The following ADGRA2 variants were observed in gnomAD, a reference collection of about 807,000 sequenced individuals.
ADGRA2 encodes the protein G-protein coupled receptor 124.
A neutral mutation model predicts 98.7 loss-of-function variants in ADGRA2; 61 were observed. The ratio of observed to expected loss-of-function variants is 0.62; its 90% CI spans 0.50 to 0.76. The LOEUF (loss-of-function observed/expected upper bound fraction) is 0.76. ADGRA2 is among the 30% of genes least tolerant of loss of function. The pLI is 0.00. For missense variants in ADGRA2, 1,712 were observed against 1,860.0 expected, an observed-to-expected ratio of 0.92 and a Z score of 1.46; for synonymous variants, 858 against 831.5, an observed-to-expected ratio of 1.03 and a Z score of -0.55.
chr8:37,833,786 T>C lies in ADGRA2; in HGVS notation c.1395T>C (p.Tyr465=), dbSNP rs1805527841. The change falls in exon 10 of 19, where the codon TAT becomes TAC. Residue 465 remains tyrosine (Y), a synonymous_variant. Transcript: ENST00000412232. ...TTTCAGACATGATGGATGTAGTCTATGTGGCTCAGATGATCCAGAAATTTT... is the reference window on the plus strand; with the variant it reads ...TTTCAGACATGATGGATGTAGTCTACGTGGCTCAGATGATCCAGAAATTTT... ...ASFSDMMDVV[Y]VAQMIQKFLG... 6.2e-7 allele frequency: 1 copy of C among 1,614,226 alleles called. No homozygotes were observed. Among genetic ancestry groups the C allele is most frequent in the Non-Finnish European group, 8.5e-7 (1 of 1,180,026 alleles).
chr8:37,824,543 G>T (rs1316358747), intron 2 of ADGRA2, among the ~76,000 whole-genome samples: 3 of 145,778 alleles, frequency 2.1e-5, no homozygotes, highest in Non-Finnish European at 4.5e-5. Context: ...GCCCAGGCTG[G>T]AGTGCAATGG....
In ADGRA2 at chr8:37,834,230, C is replaced by G; in HGVS notation, c.1608+102C>G. 1.8e-6 allele frequency: 2 copies of G among 1,120,970 alleles called. No individual in the cohort carries two copies. The highest frequency in any genetic ancestry group is 2.5e-6 in the Non-Finnish European group (2 of 795,904). The allele number at this position is 1,120,970 out of a possible 1,614,324, so 69.4% of individuals were successfully genotyped here. ...TGCCCCAGCTAGCAAGAGCAGCAGA[C>G]GTGACAAAGTTCTGAGCCATGGGGT... On this transcript the variant is annotated intron_variant, in intron 11 of 18. Coordinates refer to ENST00000412232, the MANE Select transcript of ADGRA2 (RefSeq NM_032777.10). The surrounding 1 kb of genome is among the most constrained non-coding windows in gnomAD (Gnocchi z 4.2).
chr8:37,800,917 C>G (rs1804482812), intron 1 of ADGRA2, among the ~76,000 whole-genome samples: 1 of 152,180 alleles, frequency 6.6e-6, no homozygotes, highest in Admixed American at 6.5e-5. Flanking sequence ...GCTTTATCCT[C>G]CCTCCCCATC....
chr8:37,818,355 C>G (rs762211934), intron 2 of ADGRA2, among the ~76,000 whole-genome samples: 4 of 152,228 alleles, frequency 2.6e-5, no homozygotes, highest in Non-Finnish European at 4.4e-5. Flanking sequence ...CCCCTGTCTC[C>G]TCATCCTTCA....
At chr8:37,835,143 A>C (rs1277255471) in intron 11 of ADGRA2, 31 bp from the exon 12 acceptor site, 2 of 1,530,794 alleles carry the variant, frequency 1.3e-6, no homozygotes, top group Non-Finnish European at 1.8e-6. Context: ...CACCATCTCA[A>C]ATGGTGGGAT....
rs1439918805 is a variant in ADGRA2 at position 37,843,748 on chromosome 8, A to C, written c.*1393A>C. 1 of 152,604 alleles carries C rather than the reference A, an allele frequency of 6.6e-6. No homozygotes were observed. The highest frequency in any genetic ancestry group is 1.5e-5 in the Non-Finnish European group (1 of 68,034). 9.5% of individuals were successfully genotyped at this position (152,604 alleles called of 1,614,324 possible). A position where few individuals can be genotyped will look rare whatever the true frequency, so the allele number is the denominator to read the frequency against. On this transcript the variant is annotated 3_prime_UTR_variant, in exon 19 of 19. Transcript: ENST00000412232. Reference sequence around the variant, plus strand: ...CTGCACAGACATATTAGAAGAAAAAAAAAAGCTTTGTATTATTCTTCCACA... The same window carrying C: ...CTGCACAGACATATTAGAAGAAAAACAAAAGCTTTGTATTATTCTTCCACA...
Position 37,838,994 on chromosome 8 carries a change from G to C in ADGRA2, c.2298G>C (p.Gly766=). Residue 766 remains glycine (G), a synonymous_variant, in exon 15 of 19, where the codon GGG becomes GGC. Coordinates refer to ENST00000412232, the MANE Select transcript of ADGRA2 (RefSeq NM_032777.10). ...TTCCCAGGGAGGTGGGGGGCGCCGG[G>C]GCAGGGCTGCACCCCGTGGTATACC... ...SAFPREVGGA[G]AGLHPVVYPC... is the part of the protein sequence containing the mutation. The C allele has an allele frequency of 2.5e-6, 4 of 1,584,748 alleles. No homozygotes were observed. Among genetic ancestry groups the C allele is most frequent in the Non-Finnish European group, 3.4e-6 (4 of 1,165,682 alleles).
Position 37,820,520 on chromosome 8 carries a change from C to G in ADGRA2, c.338+5553C>G, listed in dbSNP as rs557586151. 3.3e-5 allele frequency among the ~76,000 whole-genome samples: 5 copies of G among 152,364 alleles called. No individual in the cohort carries two copies. The South Asian group carries it at 8.3e-4, about 25-fold the overall frequency. On this transcript the variant is annotated intron_variant, in intron 2 of 18. Transcript: ENST00000412232. ...TTCATCAGGAATAAGACTCCATGGGCTGGCATGTAGTTGGTGCTCAGGAAA... is the reference window on the plus strand; with the variant it reads ...TTCATCAGGAATAAGACTCCATGGGGTGGCATGTAGTTGGTGCTCAGGAAA...
At chr8:37,837,672 T>G in intron 13 of ADGRA2, 59 bp from the exon 14 acceptor site, 2 of 1,418,420 alleles carry the variant, frequency 1.4e-6, no homozygotes, top group Non-Finnish European at 1.9e-6. Flanking sequence ...GAGTCCCGGC[T>G]GAGCCCACCT....
intron 1 of ADGRA2, among the ~76,000 whole-genome samples, chr8:37,812,507 G>C (rs2129938901): frequency 6.6e-6 from 1 of 151,578 alleles, no homozygotes; most frequent in Admixed American, 6.6e-5. Context: ...GGCACCTGTA[G>C]TCCCAGCTAC....
intron 8 of ADGRA2, 23 bp downstream of exon 8, chr8:37,831,610 G>A (rs1805457581): frequency 1.9e-6 from 3 of 1,610,562 alleles, no homozygotes; most frequent in Non-Finnish European, 2.5e-6. Context: ...CCACCCTGTA[G>A]AGGGCTGCCC....
intron 2 of ADGRA2, among the ~76,000 whole-genome samples, chr8:37,826,805 G>A (rs976083948): frequency 3.3e-5 from 5 of 152,126 alleles, no homozygotes; most frequent in African/African-American, 1.2e-4. Context: ...GGTGGGCAGG[G>A]CCAAGAGCCT....
In ADGRA2 at chr8:37,831,421, A is replaced by T. The variant is rs1805449728; in HGVS notation, c.933-2A>T. On this transcript the variant is annotated splice_acceptor_variant, in intron 7 of 18. Coordinates refer to ENST00000412232, the MANE Select transcript of ADGRA2 (RefSeq NM_032777.10). LOFTEE classifies it high-confidence loss of function. Reference sequence around the variant, plus strand: ...CGAGCCAGCTCCACCTGCCACCCGCAGTGAGCTGACGCTGTCTCACATCGG... The same window carrying T: ...CGAGCCAGCTCCACCTGCCACCCGCTGTGAGCTGACGCTGTCTCACATCGG... 3 of 1,609,924 alleles carry T rather than the reference A, an allele frequency of 1.9e-6. No individual in the cohort carries two copies. Among genetic ancestry groups the T allele is most frequent in the Non-Finnish European group, 2.5e-6 (3 of 1,179,852 alleles).
At position 37,831,662 on chromosome 8, in the gene ADGRA2, A is replaced by G. The variant is rs1451260584; in HGVS notation, c.1097+75A>G. ...CTTGCACCTGACATCACAGGTGGCC[A>G]GAGTTTCCCCATCCGCTGTCTCTGT... is the stretch of plus-strand genomic sequence containing the variant. On this transcript the variant is annotated intron_variant, in intron 8 of 18. Transcript: ENST00000412232. The G allele has an allele frequency of 4.4e-6, 6 of 1,349,530 alleles. No homozygotes were observed. In the Admixed American group the frequency reaches 1.1e-4, roughly 24 times the overall value. 83.6% of individuals were successfully genotyped at this position (1,349,530 alleles called of 1,614,324 possible).
At position 37,830,980 on chromosome 8, in the gene ADGRA2, A is replaced by T. The variant is rs1805437499; in HGVS notation, c.932+57A>T. 8.8e-6 allele frequency: 11 copies of T among 1,253,884 alleles called. No homozygotes were observed. Among genetic ancestry groups the T allele is most frequent in the Non-Finnish European group, 1.0e-5 (9 of 888,506 alleles). 77.7% of individuals were successfully genotyped at this position (1,253,884 alleles called of 1,614,324 possible). A position where few individuals can be genotyped will look rare whatever the true frequency, so the allele number is the denominator to read the frequency against. ...AGCATGGGGTTAGGGGACCTACCCT[A>T]CCCGTCACCACCCCGCAAAAGAGCT... On this transcript the variant is annotated intron_variant, in intron 7 of 18. Transcript: ENST00000412232. The surrounding 1 kb of genome is among the most constrained non-coding windows in gnomAD (Gnocchi z 4.8).
intron 2 of ADGRA2, among the ~76,000 whole-genome samples, chr8:37,815,988 GC>G (rs1246199697): frequency 6.6e-6 from 1 of 152,154 alleles, no homozygotes; most frequent in African/African-American, 2.4e-5. Context: ...GACAGGGAGG[GC>G]CCTTGGCCCC....
At chr8:37,836,476 G>A (rs1203540823) in intron 13 of ADGRA2, among the ~76,000 whole-genome samples, 1 of 152,078 alleles carries the variant, frequency 6.6e-6, no homozygotes, top group African/African-American at 2.4e-5. Context: ...TGTCTGACTC[G>A]CCACCCACCT....
At position 37,844,478 on chromosome 8, in the gene ADGRA2, AG is replaced by A. The variant is rs1395712450; in HGVS notation, c.*2124del. On this transcript the variant is annotated 3_prime_UTR_variant, in exon 19 of 19. Transcript: ENST00000412232. ...TGTCAGAACAGGATGAAGTGCTCCCAGTGGATATCCATCAGGGAGGGTTAGG... is the reference window on the plus strand; with the variant it reads ...TGTCAGAACAGGATGAAGTGCTCCCATGGATATCCATCAGGGAGGGTTAGG... 4 of 1,610,398 alleles carry A rather than the reference AG, an allele frequency of 2.5e-6. No homozygotes were observed. In the South Asian group the frequency reaches 4.4e-5, roughly 18 times the overall value.
At chr8:37,827,086 A>G (rs991914774) in intron 2 of ADGRA2, among the ~76,000 whole-genome samples, 3 of 152,222 alleles carry the variant, frequency 2.0e-5, no homozygotes, top group Non-Finnish European at 4.4e-5. Context: ...GTGGGAGCCA[A>G]GAGGCCACTG....
Sources: allele counts gnomAD v4.1 joint callset (sites outside exome capture counted in the v4.1 genomes callset), GRCh38; gene constraint gnomAD v4.1.1; non-coding constraint Gnocchi (gnomAD v3.1); transcripts MANE v1.5; gene names NCBI Gene and HGNC (gene_info 2026-07-23, HGNC 2026-07-21).